XNDC1N: variants seen among roughly 807,000 people sequenced by gnomAD.
XNDC1N encodes the protein XRCC1 N-terminal domain containing 1, N-terminal like, also known as protein XNDC1N.
the XNDC1N span, among the ~76,000 whole-genome samples, chr11:71,909,552 C>A: frequency 0.027 from 4,124 of 152,280 alleles, 191 homozygotes; most frequent in African/African-American, 0.095. Flanking sequence ...GGAGACCCGG[C>A]TCAAGCGTTC....
At chr11:71,913,776 G>C in the XNDC1N span, among the ~76,000 whole-genome samples, 1 of 151,946 alleles carries the variant, frequency 6.6e-6, no homozygotes, top group Non-Finnish European at 1.5e-5. Flanking sequence ...TAACTCTCTC[G>C]TTAGGGCTAA....
At chr11:71,907,369 G>C in the XNDC1N span, among the ~76,000 whole-genome samples, 1 of 151,564 alleles carries the variant, frequency 6.6e-6, no homozygotes, top group Non-Finnish European at 1.5e-5. Flanking sequence ...GCGATGCGGG[G>C]AGTAAGAGCC....
At chr11:71,871,573 T>A in the XNDC1N span, among the ~76,000 whole-genome samples, 1 of 152,286 alleles carries the variant, frequency 6.6e-6, no homozygotes, top group Admixed American at 6.5e-5. Flanking sequence ...GGTGTGTGAA[T>A]TACCATGATC....
chr11:71,901,843 G>A, the XNDC1N span, among the ~76,000 whole-genome samples: 6,115 of 152,054 alleles, frequency 0.04, 458 homozygotes, highest in African/African-American at 0.14. Context: ...TGCCCGCTGC[G>A]TGATCTCTAG....
At chr11:71,906,719 T>C in the XNDC1N span, among the ~76,000 whole-genome samples, 1 of 152,156 alleles carries the variant, frequency 6.6e-6, no homozygotes, top group Non-Finnish European at 1.5e-5. Flanking sequence ...AACATTTCTA[T>C]AGAAGATTAC....
At chr11:71,882,297 C>G in the XNDC1N span, among the ~76,000 whole-genome samples, 4 of 151,994 alleles carry the variant, frequency 2.6e-5, no homozygotes, top group Non-Finnish European at 5.9e-5. Context: ...ACTTTGTCAC[C>G]CAGGCTGGAG....
the XNDC1N span, among the ~76,000 whole-genome samples, chr11:71,868,611 A>G: frequency 1.3e-5 from 2 of 152,058 alleles, no homozygotes; most frequent in East Asian, 3.8e-4. Context: ...TAGGCCCACA[A>G]TCTCCTCTGG....
the XNDC1N span, among the ~76,000 whole-genome samples, chr11:71,919,475 G>A: frequency 2.7e-5 from 4 of 149,902 alleles, no homozygotes; most frequent in East Asian, 5.9e-4. Context: ...TGCAACCTCC[G>A]CCTCCCGAAT....
At chr11:71,890,745 T>A in the XNDC1N span, among the ~76,000 whole-genome samples, 1 of 150,078 alleles carries the variant, frequency 6.7e-6, no homozygotes, top group South Asian at 2.1e-4. Context: ...AAGAACAATA[T>A]CGTAGGGGTG....
At chr11:71,871,494 A>T in the XNDC1N span, among the ~76,000 whole-genome samples, 1 of 152,196 alleles carries the variant, frequency 6.6e-6, no homozygotes, top group South Asian at 2.1e-4. Flanking sequence ...TGTATTATAC[A>T]TTTTGAAATT....
chr11:71,878,489 T>C, the XNDC1N span: 3 of 1,611,712 alleles, frequency 1.9e-6, no homozygotes, highest in Non-Finnish European at 2.5e-6. Context: ...AGTCCTTTCC[T>C]TGATGTCCAC....
the XNDC1N span, among the ~76,000 whole-genome samples, chr11:71,898,209 CA>C: frequency 6.7e-6 from 1 of 150,364 alleles, no homozygotes; most frequent in Non-Finnish European, 1.5e-5. Flanking sequence ...AAAATAAAAC[CA>C]AATGAAAAAA....
At chr11:71,885,616 C>A in the XNDC1N span, among the ~76,000 whole-genome samples, 1 of 152,204 alleles carries the variant, frequency 6.6e-6, no homozygotes, top group African/African-American at 2.4e-5. Context: ...CTCTCTCCCA[C>A]CCTGGACATT....
At chr11:71,924,122 C>T in the XNDC1N span, among the ~76,000 whole-genome samples, 4,920 of 152,292 alleles carry the variant, frequency 0.032, 76 homozygotes, top group East Asian at 0.08. Flanking sequence ...AAATGTATGA[C>T]ACAACTTTTC....
the XNDC1N span, among the ~76,000 whole-genome samples, chr11:71,872,489 C>G: frequency 1.3e-5 from 2 of 151,956 alleles, no homozygotes; most frequent in African/African-American, 4.8e-5. Context: ...TTTGGGAGGC[C>G]GAGGCGGGTG....
the XNDC1N span, among the ~76,000 whole-genome samples, chr11:71,876,096 G>A: frequency 4.6e-5 from 7 of 152,024 alleles, no homozygotes; most frequent in Non-Finnish European, 1.0e-4. Context: ...ATGCATCAAA[G>A]TCCCCAAAGC....
the XNDC1N span, among the ~76,000 whole-genome samples, chr11:71,883,218 C>G: frequency 6.6e-6 from 1 of 152,054 alleles, no homozygotes; most frequent in African/African-American, 2.4e-5. Flanking sequence ...CCTAATGGCA[C>G]TCTTGACAGA....
chr11:71,919,130 C>T, the XNDC1N span: 1 of 642,294 alleles, frequency 1.6e-6, no homozygotes, highest in African/African-American at 1.8e-5. Flanking sequence ...CCCAGTCATC[C>T]TAACATGATA....
the XNDC1N span, among the ~76,000 whole-genome samples, chr11:71,885,405 C>T: frequency 7.9e-5 from 12 of 152,190 alleles, no homozygotes; most frequent in Admixed American, 6.5e-4. Context: ...TAAGGACCAT[C>T]TCACACGGGG....
Sources: allele counts gnomAD v4.1 joint callset (sites outside exome capture counted in the v4.1 genomes callset), GRCh38; gene constraint gnomAD v4.1.1; transcripts MANE v1.5; gene names NCBI Gene and HGNC (gene_info 2026-07-23, HGNC 2026-07-21).